Variants in CEP63 observed in about 807,000 individuals in gnomAD.
CEP63 encodes the protein centrosomal protein 63, also known as centrosomal protein of 63 kDa.
CEP63 carries 84 observed loss-of-function variants against 89.1 expected under a neutral mutation model. The ratio of observed to expected loss-of-function variants is 0.94; its 90% CI spans 0.79 to 1.13. The LOEUF is 1.13. CEP63 is among the 50% of genes most tolerant of loss of function. The probability of loss-of-function intolerance (pLI) is 0.00; values close to 1 mark genes in which losing one functional copy is unlikely to be tolerated. For synonymous variants in CEP63, 267 were observed against 272.5 expected, an observed-to-expected ratio of 0.98 and a Z score of 0.20; for missense variants, 838 against 813.3, an observed-to-expected ratio of 1.03 and a Z score of -0.37.
chr3:134,658,613 C>A, the CEP63 span, among the ~76,000 whole-genome samples: 2 of 152,330 alleles, frequency 1.3e-5, no homozygotes, highest in South Asian at 4.1e-4. Flanking sequence ...GAGACTTCTT[C>A]CTTTAGCCTG....
the CEP63 span, among the ~76,000 whole-genome samples, chr3:134,609,989 C>T: frequency 6.6e-6 from 1 of 152,136 alleles, no homozygotes; most frequent in Non-Finnish European, 1.5e-5. Flanking sequence ...GGGAGTTTGT[C>T]AGTGGAGGGT....
intron 3 of CEP63, among the ~76,000 whole-genome samples, chr3:134,523,696 T>TA (rs1315867601): frequency 6.6e-6 from 1 of 152,172 alleles, no homozygotes; most frequent in Non-Finnish European, 1.5e-5. Flanking sequence ...ATCAGATAGT[T>TA]ACAGGTGTGC....
At chr3:134,516,595 C>T (rs1405801195) in intron 3 of CEP63, among the ~76,000 whole-genome samples, 1 of 152,190 alleles carries the variant, frequency 6.6e-6, no homozygotes, top group East Asian at 1.9e-4. Flanking sequence ...GCAGAGGTCC[C>T]TGCGGCATTT....
the CEP63 span, among the ~76,000 whole-genome samples, chr3:134,768,140 G>C: frequency 6.6e-6 from 1 of 152,124 alleles, no homozygotes; most frequent in African/African-American, 2.4e-5. Context: ...ATACACTCAA[G>C]GAAAGTGGAA....
chr3:134,495,429 A>G (rs1939482328), intron 2 of CEP63, 65 bp downstream of exon 2: 2 of 1,031,506 alleles, frequency 1.9e-6, no homozygotes, highest in East Asian at 2.4e-5. Context: ...TATAGGGTTC[A>G]CATGATACTT....
chr3:134,764,662 C>T, the CEP63 span, among the ~76,000 whole-genome samples: 12 of 152,308 alleles, frequency 7.9e-5, no homozygotes, highest in Non-Finnish European at 1.3e-4. Context: ...AATTAACTTT[C>T]GGCTCATCTG....
chr3:134,608,751 G>A, the CEP63 span: 752 of 1,614,032 alleles, frequency 4.7e-4, 3 homozygotes, highest in Middle Eastern at 1.2e-3. Flanking sequence ...AGAGATTGAG[G>A]AGGTTTTAGC....
chr3:134,577,252 GA>G (rs11328639), downstream of CEP63, among the ~76,000 whole-genome samples: 97,041 of 150,570 alleles, frequency 0.64, 31,677 homozygotes, highest in East Asian at 0.81. Context: ...AAACTTCTAG[GA>G]AAAAAAAAAT....
the CEP63 span, among the ~76,000 whole-genome samples, chr3:134,718,770 C>T: frequency 4.6e-5 from 7 of 152,172 alleles, no homozygotes; most frequent in African/African-American, 1.4e-4. Context: ...ATTGTGGCTC[C>T]CACATCTGAG....
At chr3:134,702,551 G>T in the CEP63 span, among the ~76,000 whole-genome samples, 4 of 152,110 alleles carry the variant, frequency 2.6e-5, no homozygotes, top group Non-Finnish European at 5.9e-5. Flanking sequence ...ACAGATTAGA[G>T]AACCCAGAAA....
chr3:134,757,830 C>T, the CEP63 span, among the ~76,000 whole-genome samples: 1 of 152,000 alleles, frequency 6.6e-6, no homozygotes, highest in African/African-American at 2.4e-5. Flanking sequence ...CTGCAGGAGA[C>T]AGTGTTAGGG....
At chr3:134,523,448 C>T (rs979397220) in intron 3 of CEP63, among the ~76,000 whole-genome samples, 22 of 152,040 alleles carry the variant, frequency 1.4e-4, no homozygotes, top group Non-Finnish European at 2.4e-4. Flanking sequence ...GTGTCTTTGT[C>T]GTGAAATCTT....
At chr3:134,609,201 T>C in the CEP63 span, among the ~76,000 whole-genome samples, 1 of 152,160 alleles carries the variant, frequency 6.6e-6, no homozygotes. Flanking sequence ...ACAGAGTGCT[T>C]GAATTCACTG....
the CEP63 span, among the ~76,000 whole-genome samples, chr3:134,699,049 C>A: frequency 6.6e-6 from 1 of 152,142 alleles, no homozygotes; most frequent in African/African-American, 2.4e-5. Flanking sequence ...GGGGCTCTAG[C>A]CAGTGGGCTG....
At chr3:134,570,668 C>A (rs1957974691) in intron 11 of CEP63, among the ~76,000 whole-genome samples, 1 of 152,232 alleles carries the variant, frequency 6.6e-6, no homozygotes, top group South Asian at 2.1e-4. Context: ...GCTGTTCCAA[C>A]CTCTGCCTGC....
chr3:134,691,472 G>T, the CEP63 span, among the ~76,000 whole-genome samples: 1 of 151,170 alleles, frequency 6.6e-6, no homozygotes, highest in Non-Finnish European at 1.5e-5. Flanking sequence ...AAAAAATTTA[G>T]CTGGGTGTGG....
the CEP63 span, among the ~76,000 whole-genome samples, chr3:134,737,981 G>T: frequency 6.6e-6 from 1 of 152,150 alleles, no homozygotes; most frequent in African/African-American, 2.4e-5. Flanking sequence ...AGATCACAGA[G>T]ATCACCTAGG....
the CEP63 span, among the ~76,000 whole-genome samples, chr3:134,648,424 C>T: frequency 3.1e-3 from 479 of 152,338 alleles, 2 homozygotes; most frequent in Non-Finnish European, 4.7e-3. Flanking sequence ...AATACACAAA[C>T]CACATAGACT....
the CEP63 span, among the ~76,000 whole-genome samples, chr3:134,636,195 T>C: frequency 6.6e-6 from 1 of 152,280 alleles, no homozygotes; most frequent in South Asian, 2.1e-4. Context: ...TTTAAAGGCT[T>C]TTGTTAGATA....
Sources: allele counts gnomAD v4.1 joint callset (sites outside exome capture counted in the v4.1 genomes callset), GRCh38; gene constraint gnomAD v4.1.1; transcripts MANE v1.5; gene names NCBI Gene and HGNC (gene_info 2026-07-23, HGNC 2026-07-21).